Variants in IP6K1 observed in about 807,000 individuals in gnomAD.
IP6K1 encodes the protein inositol hexakisphosphate kinase 1.
In IP6K1, 13 loss-of-function variants were observed where a neutral mutation model predicts 38.3. The ratio of observed to expected loss-of-function variants is 0.34; its 90% CI spans 0.22 to 0.54. The LOEUF is 0.54. IP6K1 is among the 20% of genes least tolerant of loss of function. The pLI, the probability that IP6K1 is intolerant of heterozygous loss-of-function variation, is 0.92. For synonymous variants in IP6K1, 212 were observed against 229.9 expected, an observed-to-expected ratio of 0.92 and a Z score of 0.70; for missense variants, 397 against 599.8, an observed-to-expected ratio of 0.66 and a Z score of 3.53.
At position 49,747,119 on chromosome 3, in the gene IP6K1, T is replaced by C. The variant is rs191149596; in HGVS notation, c.223+699A>G. On this transcript the variant is annotated intron_variant, in intron 2 of 5. Coordinates refer to ENST00000321599, the MANE Select transcript of IP6K1 (RefSeq NM_153273.4). The stretch of plus-strand genomic sequence containing the variant: ...ATTCTATAGCACTGGTTTTTCTAAA[T>C]TGAAACTCTCCTAAGTAAAGGACAG... 3.3e-5 allele frequency among the ~76,000 whole-genome samples: 5 copies of C among 152,246 alleles called. No homozygotes were observed. In the East Asian group the frequency reaches 9.6e-4, roughly 29 times the overall value.
chr3:49,784,645 A>AG (rs1462694444), intron 1 of IP6K1, among the ~76,000 whole-genome samples: 4 of 140,044 alleles, frequency 2.9e-5, no homozygotes, highest in African/African-American at 8.0e-5. Flanking sequence ...ACTTCGTCTC[A>AG]GAAAAAAAAA....
At chr3:49,729,892 TTTAA>T (rs1339230768) in intron 4 of IP6K1, among the ~76,000 whole-genome samples, 1 of 151,772 alleles carries the variant, frequency 6.6e-6, no homozygotes, top group Middle Eastern at 3.2e-3. Flanking sequence ...TAATTTTTCT[TTTAA>T]TTATTATTTT....
At chr3:49,744,917 A>T (rs2080707625) in intron 2 of IP6K1, among the ~76,000 whole-genome samples, 1 of 152,230 alleles carries the variant, frequency 6.6e-6, no homozygotes, top group Non-Finnish European at 1.5e-5. Context: ...GTTTAAAAAC[A>T]AATTTTCATT....
At chr3:49,742,422 G>A (rs1439176093) in intron 2 of IP6K1, among the ~76,000 whole-genome samples, 10 of 152,096 alleles carry the variant, frequency 6.6e-5, no homozygotes, top group Admixed American at 2.6e-4. Flanking sequence ...GGTGGTACAC[G>A]CCTGTAGTCC....
At position 49,725,362 on chromosome 3, in the gene IP6K1, G is replaced by C. The variant is rs1575299216; in HGVS notation, c.*1760C>G. On this transcript the variant is annotated 3_prime_UTR_variant, in exon 6 of 6. Coordinates refer to ENST00000321599, the MANE Select transcript of IP6K1 (RefSeq NM_153273.4). ...TACTGCCCCCATGGCTGAAGCCACAGAATGGTACAGGAGAGAAGACTGTAA... is the reference window on the plus strand; with the variant it reads ...TACTGCCCCCATGGCTGAAGCCACACAATGGTACAGGAGAGAAGACTGTAA... 2 of 152,322 alleles carry C rather than the reference G, an allele frequency of 1.3e-5. No homozygotes were observed. Among genetic ancestry groups the C allele is most frequent in the Admixed American group, 1.3e-4 (2 of 15,282 alleles). The allele number at this position is 152,322 out of a possible 1,614,324, so 9.4% of individuals were successfully genotyped here.
intron 1 of IP6K1, among the ~76,000 whole-genome samples, chr3:49,752,703 G>T (rs554133589): frequency 5.3e-5 from 8 of 150,992 alleles, no homozygotes; most frequent in African/African-American, 1.9e-4. Context: ...TGATCTGCCC[G>T]CCTAGACCTC....
Position 49,732,869 on chromosome 3 carries a change from G to A in IP6K1, c.538C>T (p.His180Tyr), listed in dbSNP as rs1355800531. Residue 180 changes from histidine to tyrosine, a missense_variant, in exon 4 of 6, where the codon CAC becomes TAC. Coordinates refer to ENST00000321599, the MANE Select transcript of IP6K1 (RefSeq NM_153273.4). The part of the protein sequence containing the change: ...NSGLSSEKIS[H>Y]NPWSLRCHKQ... ...TGACAACGCAGGCTCCAGGGGTTGT[G>A]GCTGATCTTCTCAGAACTCAAGCCA... 6.2e-7 allele frequency: 1 copy of A among 1,614,078 alleles called. No individual in the cohort carries two copies. The highest frequency in any genetic ancestry group is 8.5e-7 in the Non-Finnish European group (1 of 1,179,994).
rs773983764 is a variant in IP6K1, at chr3:49,728,404, A to G, written c.617-126T>C. 1.7e-4 allele frequency: 144 copies of G among 825,156 alleles called. 2 individuals carry two copies. In the Middle Eastern group the frequency reaches 6.1e-3, roughly 35 times the overall value. 51.1% of individuals were successfully genotyped at this position (825,156 alleles called of 1,614,324 possible). The stretch of plus-strand genomic sequence containing the variant: ...AGTATGTACTTGTCTCAAACTCTCA[A>G]ATATGGGTTTCACACCACTGGCTTA... On this transcript the variant is annotated intron_variant, in intron 4 of 5. Transcript: ENST00000321599.
chr3:49,732,987 C>T lies in IP6K1; in HGVS notation c.435-15G>A. The T allele has an allele frequency of 1.2e-6, 2 of 1,601,284 alleles. No individual in the cohort carries two copies. Among genetic ancestry groups the T allele is most frequent in the Non-Finnish European group, 8.5e-7 (1 of 1,169,856 alleles). The stretch of plus-strand genomic sequence containing the variant: ...CCTCCTGTGAGCTAAGAAGGAAGAA[C>T]ATACACATCACTAAGAAACTCAGGC... On this transcript the variant is annotated splice_polypyrimidine_tract_variant and intron_variant, in intron 3 of 5. Transcript: ENST00000321599.
intron 1 of IP6K1, among the ~76,000 whole-genome samples, chr3:49,784,443 G>A (rs1050662251): frequency 3.9e-5 from 6 of 152,122 alleles, no homozygotes; most frequent in Middle Eastern, 6.8e-3. Context: ...TCAGGAGTTC[G>A]AGATCAGCCT....
chr3:49,730,719 TG>T (rs2080554699), intron 4 of IP6K1, among the ~76,000 whole-genome samples: 2 of 152,058 alleles, frequency 1.3e-5, no homozygotes, highest in African/African-American at 4.8e-5. Context: ...ACTAATTTTT[TG>T]TATTTTTTTT....
intron 4 of IP6K1, 99 bp from the exon 5 acceptor site, chr3:49,728,377 G>T: frequency 8.8e-7 from 1 of 1,131,636 alleles, no homozygotes; most frequent in Non-Finnish European, 1.3e-6. Context: ...TTTACCTAAT[G>T]CAGTATGTAC....
At chr3:49,734,440 G>T (rs1341012236) in intron 3 of IP6K1, among the ~76,000 whole-genome samples, 1 of 118,550 alleles carries the variant, frequency 8.4e-6, no homozygotes, top group Admixed American at 1.2e-4. Flanking sequence ...TCGCTCTGTC[G>T]CCCAGCAACT....
intron 1 of IP6K1, among the ~76,000 whole-genome samples, chr3:49,779,450 C>T (rs1030302071): frequency 2.0e-5 from 3 of 152,052 alleles, no homozygotes; most frequent in African/African-American, 7.2e-5. Flanking sequence ...TTTGTGTGAA[C>T]ATTTGTTTTC....
intron 1 of IP6K1, among the ~76,000 whole-genome samples, chr3:49,750,413 G>A (rs914422378): frequency 6.6e-5 from 10 of 152,202 alleles, no homozygotes; most frequent in Admixed American, 1.3e-4. Flanking sequence ...CAAGGAAATA[G>A]GCCGGGTGCA....
intron 3 of IP6K1, among the ~76,000 whole-genome samples, chr3:49,734,149 T>TA: frequency 6.6e-6 from 1 of 151,862 alleles, no homozygotes; most frequent in Admixed American, 6.6e-5. Flanking sequence ...AATAAATAAA[T>TA]AATAAAATAA....
Position 49,727,891 on chromosome 3 carries a change from G to A in IP6K1, c.792+212C>T, listed in dbSNP as rs1029514992. Among the ~76,000 whole-genome samples the A allele has an allele frequency of 3.3e-5, 5 of 152,154 alleles. No individual in the cohort carries two copies. The highest frequency in any genetic ancestry group is 7.2e-5 in the African/African-American group (3 of 41,426). Reference sequence around the variant, plus strand: ...AGCTTTGGAGCCCTCCTCCAACATCGGAACATCTTGTTGACAGGCAAGAGT... The same window carrying A: ...AGCTTTGGAGCCCTCCTCCAACATCAGAACATCTTGTTGACAGGCAAGAGT... On this transcript the variant is annotated intron_variant, in intron 5 of 5. Coordinates refer to ENST00000321599, the MANE Select transcript of IP6K1 (RefSeq NM_153273.4). This position sits in a 1 kb window ranked among gnomAD's most constrained non-coding sequence, Gnocchi z 5.9.
intron 1 of IP6K1, among the ~76,000 whole-genome samples, chr3:49,762,215 G>A (rs1575321089): frequency 6.6e-6 from 1 of 152,224 alleles, no homozygotes; most frequent in South Asian, 2.1e-4. Context: ...GCCTCCCAAA[G>A]TGCTGGGATT....
chr3:49,761,116 C>A (rs900682317), intron 1 of IP6K1, among the ~76,000 whole-genome samples: 2 of 149,810 alleles, frequency 1.3e-5, no homozygotes, highest in Non-Finnish European at 3.0e-5. Flanking sequence ...GAGATCGAGA[C>A]CATCCTGGCC....
Sources: allele counts gnomAD v4.1 joint callset (sites outside exome capture counted in the v4.1 genomes callset), GRCh38; gene constraint gnomAD v4.1.1; non-coding constraint Gnocchi (gnomAD v3.1); transcripts MANE v1.5; gene names NCBI Gene and HGNC (gene_info 2026-07-23, HGNC 2026-07-21).